Variants in PICALM observed in about 807,000 individuals in gnomAD.
PICALM encodes the protein phosphatidylinositol-binding clathrin assembly protein.
PICALM carries 40 observed loss-of-function variants against 80.5 expected under a neutral mutation model. The ratio of observed to expected loss-of-function variants is 0.50; its 90% confidence interval spans 0.39 to 0.65. The LOEUF (loss-of-function observed/expected upper bound fraction) is 0.65. Ranked by LOEUF, PICALM falls within the 30% of genes least tolerant of loss-of-function variation. The pLI, the probability that PICALM is intolerant of heterozygous loss-of-function variation, is 0.00. For missense variants in PICALM, 676 were observed against 778.9 expected, an observed-to-expected ratio of 0.87 and a Z score of 1.57; for synonymous variants, 288 against 260.3, an observed-to-expected ratio of 1.11 and a Z score of -1.02.
chr11:86,066,745 A>G (rs946256656), intron 1 of PICALM, among the ~76,000 whole-genome samples: 3 of 149,746 alleles, frequency 2.0e-5, no homozygotes, highest in Non-Finnish European at 4.4e-5. Context: ...ATACTCCCAT[A>G]CAAAAAAAAA....
At chr11:86,050,736 C>A (rs769338997) in intron 1 of PICALM, among the ~76,000 whole-genome samples, 9 of 152,118 alleles carry the variant, frequency 5.9e-5, no homozygotes, top group African/African-American at 9.7e-5. Flanking sequence ...TCCTTACACA[C>A]CCTCAGCTGA....
At chr11:85,965,807 GTTTTTTTGTTT>G (rs1188793317) in intron 19 of PICALM, among the ~76,000 whole-genome samples, 5 of 79,254 alleles carry the variant, frequency 6.3e-5, no homozygotes, top group South Asian at 4.5e-4. Flanking sequence ...TACCCATTTT[GTTTTTTTGTTT>G]TTTTTTTTTT....
chr11:86,068,803 C>A lies in PICALM; in HGVS notation c.-23G>T. The A allele has an allele frequency of 1.3e-6, 2 of 1,589,098 alleles. No homozygotes were observed. The highest frequency in any genetic ancestry group is 2.3e-5 in the East Asian group (1 of 43,834). On this transcript the variant is annotated 5_prime_UTR_variant, in exon 1 of 20. Coordinates refer to ENST00000393346, the MANE Select transcript of PICALM (RefSeq NM_007166.4). ...CATCTCTGCAGCTCCTCCACCACCC[C>A]ACCCGCTCAGCAGCCGGCGGGGACT...
intron 7 of PICALM, among the ~76,000 whole-genome samples, chr11:86,009,327 A>T (rs2095347522): frequency 6.9e-6 from 1 of 144,770 alleles, no homozygotes; most frequent in Non-Finnish European, 1.5e-5. Context: ...AAAAAAAGTC[A>T]TATATAGCAG....
At chr11:85,996,996 T>A in intron 11 of PICALM, 67 bp from the exon 12 acceptor site, 1 of 842,654 alleles carries the variant, frequency 1.2e-6, no homozygotes, top group South Asian at 1.4e-5. Context: ...TGTCACCTTC[T>A]CCACCCACCA....
chr11:85,978,196 C>T (rs1026688175), intron 17 of PICALM: 1 of 886,672 alleles, frequency 1.1e-6, no homozygotes, highest in Non-Finnish European at 1.9e-6. Flanking sequence ...TTCACATGTA[C>T]ATTCACTAAC....
At chr11:85,989,520 G>A (rs1315640403) in intron 13 of PICALM, among the ~76,000 whole-genome samples, 1 of 152,076 alleles carries the variant, frequency 6.6e-6, no homozygotes, top group Non-Finnish European at 1.5e-5. Flanking sequence ...GGGGCTGAGG[G>A]GGAGCAGAGT....
intron 6 of PICALM, among the ~76,000 whole-genome samples, chr11:86,011,647 A>G (rs2095395751): frequency 6.6e-6 from 1 of 152,150 alleles, no homozygotes; most frequent in South Asian, 2.1e-4. Flanking sequence ...AAATAAGCCA[A>G]ATTTCCCTAT....
chr11:85,981,260 G>T, intron 16 of PICALM, 32 bp from the exon 17 acceptor site: 1 of 1,163,346 alleles, frequency 8.6e-7, no homozygotes, highest in Non-Finnish European at 1.3e-6. Flanking sequence ...AATATTAAAT[G>T]TCTCTAATTA....
At chr11:86,021,532 A>G (rs2095563027) in intron 4 of PICALM, among the ~76,000 whole-genome samples, 1 of 152,012 alleles carries the variant, frequency 6.6e-6, no homozygotes, top group South Asian at 2.1e-4. Context: ...AACCCAGAAA[A>G]TAACAAGTAT....
chr11:86,043,175 C>T (rs914567023), intron 1 of PICALM, among the ~76,000 whole-genome samples: 1 of 152,184 alleles, frequency 6.6e-6, no homozygotes, highest in Non-Finnish European at 1.5e-5. Flanking sequence ...GAAATTAATA[C>T]ACTACCAGTA....
At chr11:86,031,750 CA>C in intron 1 of PICALM, 139 bp from the exon 2 acceptor site, 1 of 605,990 alleles carries the variant, frequency 1.7e-6, no homozygotes, top group Non-Finnish European at 2.8e-6. Flanking sequence ...AAAAATCTCT[CA>C]ATTAGAGCAA....
Position 86,022,367 on chromosome 11 carries a change from CCT to C in PICALM, c.450_451del (p.Ala152Ter), listed in dbSNP as rs1424289688. On this transcript the variant is annotated frameshift_variant and splice_region_variant, in exon 4 of 20. Coordinates refer to ENST00000393346, the MANE Select transcript of PICALM (RefSeq NM_007166.4). LOFTEE classifies it high-confidence loss of function. Reference sequence around the variant, plus strand: ...AGATGTCAAAAAAAGCTTAACTCACCCTCTCTTCACTTTTGTGAAATCAAATG... The same window carrying C: ...AGATGTCAAAAAAAGCTTAACTCACCCTCTTCACTTTTGTGAAATCAAATG... 2.0e-6 allele frequency: 3 copies of C among 1,527,834 alleles called. No individual in the cohort carries two copies. The highest frequency in any genetic ancestry group is 2.7e-6 in the Non-Finnish European group (3 of 1,120,430). 94.6% of individuals were successfully genotyped at this position (1,527,834 alleles called of 1,614,324 possible).
intron 19 of PICALM, among the ~76,000 whole-genome samples, chr11:85,968,947 AACACACACACACACACACACACACACAC>A (rs57641869): frequency 3.6e-4 from 52 of 144,118 alleles, no homozygotes; most frequent in Middle Eastern, 3.6e-3. Flanking sequence ...AAAATGACTC[AACACACACACACACACACACACACACAC>A]ACACACACAC....
At chr11:86,056,144 A>AAAAAT (rs1565580746) in intron 1 of PICALM, among the ~76,000 whole-genome samples, 2 of 118,846 alleles carry the variant, frequency 1.7e-5, no homozygotes, top group African/African-American at 5.5e-5. Context: ...TTAAAAAAAA[A>AAAAAT]AAAAAAGAAA....
Position 86,000,746 on chromosome 11 carries a change from G to C in PICALM, c.1051C>G (p.His351Asp). 6.2e-7 allele frequency: 1 copy of C among 1,613,044 alleles called. No individual in the cohort carries two copies. The highest frequency in any genetic ancestry group is 8.5e-7 in the Non-Finnish European group (1 of 1,179,824). The change falls in exon 11 of 20, where the codon CAT becomes GAT. Residue 351 changes from histidine (H) to aspartate (D), a missense_variant. Coordinates refer to ENST00000393346, the MANE Select transcript of PICALM (RefSeq NM_007166.4). ...GAGGCTGCAGTTGTTAAAGAGGTAT[G>C]AGGTTTCTTTGCAAGTTCTTTTAGG... ...QRLKELAKKPHTSLTTAASPV... is the reference protein window; with the variant it reads ...QRLKELAKKPDTSLTTAASPV...
intron 1 of PICALM, among the ~76,000 whole-genome samples, chr11:86,038,320 G>A (rs1052404712): frequency 1.3e-5 from 2 of 150,844 alleles, no homozygotes; most frequent in Admixed American, 6.6e-5. Flanking sequence ...GACTCCATCC[G>A]AAAAAAATTA....
chr11:86,067,870 T>C (rs1317367273), intron 1 of PICALM, among the ~76,000 whole-genome samples: 1 of 152,154 alleles, frequency 6.6e-6, no homozygotes, highest in African/African-American at 2.4e-5. Context: ...GTCAAAAGTA[T>C]GGACAACACA....
At chr11:85,987,035 A>T (rs2094593391) in intron 13 of PICALM, among the ~76,000 whole-genome samples, 1 of 152,232 alleles carries the variant, frequency 6.6e-6, no homozygotes, top group Non-Finnish European at 1.5e-5. Context: ...ACAGAAAGAC[A>T]TTCCAAACAC....
Sources: allele counts gnomAD v4.1 joint callset (sites outside exome capture counted in the v4.1 genomes callset), GRCh38; gene constraint gnomAD v4.1.1; transcripts MANE v1.5; gene names NCBI Gene and HGNC (gene_info 2026-07-23, HGNC 2026-07-21).